NEBL: variants seen among roughly 807,000 people sequenced by gnomAD.
NEBL encodes the protein LIM and SH3 protein 2.
NEBL carries 122 observed loss-of-function variants against 140.2 expected under a neutral mutation model. The ratio of observed to expected loss-of-function variants is 0.87; its 90% CI spans 0.75 to 1.01. NEBL has a LOEUF of 1.01. Ranked by LOEUF, NEBL falls within the 50% of genes least tolerant of loss-of-function variation. NEBL has a pLI of 0.00. For synonymous variants in NEBL, 436 were observed against 398.9 expected (o/e 1.09, Z -1.11); for missense variants, 1,365 against 1,231.3 (o/e 1.11, Z -1.62).
intron 1 of NEBL, among the ~76,000 whole-genome samples, chr10:21,274,089 T>C (rs1257223385): frequency 6.6e-6 from 1 of 152,180 alleles, no homozygotes; most frequent in Non-Finnish European, 1.5e-5. Context: ...CTAACTACCA[T>C]TTTGTGAGAA....
intron 1 of NEBL, among the ~76,000 whole-genome samples, chr10:21,281,084 A>G (rs1415626843): frequency 6.6e-6 from 1 of 152,228 alleles, no homozygotes; most frequent in African/African-American, 2.4e-5. Flanking sequence ...GTCATGGCAG[A>G]GGTCAAGCAC....
chr10:20,872,190 G>A (rs1845015297), intron 5 of NEBL, among the ~76,000 whole-genome samples: 1 of 152,084 alleles, frequency 6.6e-6, no homozygotes, highest in African/African-American at 2.4e-5. Flanking sequence ...CGGCACAAAG[G>A]CAGCAGGAGC....
intron 2 of NEBL, among the ~76,000 whole-genome samples, chr10:21,047,018 T>G (rs962771732): frequency 6.6e-6 from 1 of 152,242 alleles, no homozygotes; most frequent in Non-Finnish European, 1.5e-5. Context: ...TGGTCTCTTA[T>G]AGTGTTATAT....
intron 3 of NEBL, among the ~76,000 whole-genome samples, chr10:21,227,719 T>TCTTCTTCTTCTTCTTCTTC (rs1842181908): frequency 3.3e-5 from 3 of 91,248 alleles, no homozygotes; most frequent in African/African-American, 1.3e-4. Context: ...TCTTTCTTCT[T>TCTTCTTCTTCTTCTTCTTC]CTTCTTCTTC....
intron 3 of NEBL, among the ~76,000 whole-genome samples, chr10:21,015,360 G>T (rs1170970950): frequency 6.6e-6 from 1 of 152,150 alleles, no homozygotes; most frequent in Non-Finnish European, 1.5e-5. Flanking sequence ...CATTTCAACG[G>T]CTTTGAGAAG....
chr10:21,117,219 C>A (rs888247936), intron 2 of NEBL, among the ~76,000 whole-genome samples: 1 of 151,918 alleles, frequency 6.6e-6, no homozygotes. Context: ...AGAACCAGGG[C>A]CTTTCTACTC....
At chr10:21,048,315 A>T (rs2131846622) in intron 2 of NEBL, among the ~76,000 whole-genome samples, 1 of 152,266 alleles carries the variant, frequency 6.6e-6, no homozygotes, top group Middle Eastern at 3.4e-3. Context: ...GACCCACAGC[A>T]TGCTGGGGAA....
At chr10:21,151,910 G>A (rs187204166) in intron 2 of NEBL, among the ~76,000 whole-genome samples, 2 of 152,238 alleles carry the variant, frequency 1.3e-5, no homozygotes, top group East Asian at 3.9e-4. Context: ...TGATTGTTTG[G>A]TTTTGGGTTT....
intron 2 of NEBL, among the ~76,000 whole-genome samples, chr10:21,131,939 GCTTT>G (rs1202849016): frequency 3.9e-5 from 6 of 152,034 alleles, no homozygotes; most frequent in Non-Finnish European, 7.4e-5. Flanking sequence ...GGCAGATACA[GCTTT>G]CTTTTTTATT....
intron 3 of NEBL, among the ~76,000 whole-genome samples, chr10:21,233,079 T>TG (rs1171490269): frequency 6.6e-6 from 1 of 152,206 alleles, no homozygotes; most frequent in Non-Finnish European, 1.5e-5. Flanking sequence ...TTCTTTTTTA[T>TG]TGAGACAGAG....
chr10:21,239,472 G>A (rs540927980), intron 3 of NEBL, among the ~76,000 whole-genome samples: 1 of 151,954 alleles, frequency 6.6e-6, no homozygotes, highest in African/African-American at 2.4e-5. Flanking sequence ...TCTCACTCCT[G>A]CCTTAGTCTT....
At chr10:21,114,717 T>A (rs538344561) in intron 2 of NEBL, among the ~76,000 whole-genome samples, 3 of 152,186 alleles carry the variant, frequency 2.0e-5, no homozygotes, top group African/African-American at 7.2e-5. Context: ...CTACTCCACC[T>A]TTCTTTGATT....
At chr10:20,915,474 C>G (rs1848510511) in intron 4 of NEBL, among the ~76,000 whole-genome samples, 1 of 146,408 alleles carries the variant, frequency 6.8e-6, no homozygotes, top group South Asian at 2.3e-4. Flanking sequence ...TCTCATTGTT[C>G]AATTCCCACC....
At chr10:21,240,907 TACAC>T (rs61704937) in intron 3 of NEBL, among the ~76,000 whole-genome samples, 2,369 of 137,324 alleles carry the variant, frequency 0.017, 50 homozygotes, top group African/African-American at 0.041. Flanking sequence ...CACGCACACA[TACAC>T]ACACACACAC....
At chr10:20,821,867 G>T (rs1021104564) in intron 19 of NEBL, among the ~76,000 whole-genome samples, 1 of 152,114 alleles carries the variant, frequency 6.6e-6, no homozygotes, top group African/African-American at 2.4e-5. Flanking sequence ...CTTGAATCCT[G>T]GAACAAGCCT....
intron 3 of NEBL, among the ~76,000 whole-genome samples, chr10:21,182,009 A>G (rs1280249150): frequency 1.1e-4 from 17 of 152,222 alleles, no homozygotes; most frequent in Non-Finnish European, 2.2e-4. Context: ...GGGACCGCCC[A>G]TCAGCAGACG....
At chr10:21,172,239 C>G (rs975382175) in intron 2 of NEBL, 20 of 707,668 alleles carry the variant, frequency 2.8e-5, no homozygotes, top group African/African-American at 5.3e-5. Context: ...AAGTACATGG[C>G]CCCAGAGTCT....
At chr10:21,147,143 G>T (rs991271234) in intron 2 of NEBL, among the ~76,000 whole-genome samples, 1 of 152,112 alleles carries the variant, frequency 6.6e-6, no homozygotes, top group African/African-American at 2.4e-5. Flanking sequence ...AAGTAGAAAT[G>T]GAGATGCGTT....
chr10:20,906,048 G>A (rs971971778), intron 4 of NEBL, among the ~76,000 whole-genome samples: 4 of 151,986 alleles, frequency 2.6e-5, no homozygotes, highest in African/African-American at 9.7e-5. Flanking sequence ...TTGTGTATGT[G>A]GACTTTATGA....
Sources: allele counts gnomAD v4.1 joint callset (sites outside exome capture counted in the v4.1 genomes callset), GRCh38; gene constraint gnomAD v4.1.1; transcripts MANE v1.5; gene names NCBI Gene and HGNC (gene_info 2026-07-23, HGNC 2026-07-21).